The following STK33 variants were observed in gnomAD, a reference collection of about 807,000 sequenced individuals.
STK33 encodes the protein serine/threonine kinase 33.
A neutral mutation model predicts 58.0 loss-of-function variants in STK33; 52 were observed. The observed-to-expected ratio is 0.90, with a 90% CI of 0.72 to 1.13. The LOEUF is 1.13. STK33 is among the 50% of genes most tolerant of loss of function. The pLI, the probability that STK33 is intolerant of heterozygous loss-of-function variation, is 0.00. For synonymous variants in STK33, 215 were observed against 200.1 expected (o/e 1.07, Z -0.63); for missense variants, 630 against 604.2 (o/e 1.04, Z -0.45).
chr11:8,478,638 A>G (rs924196331), intron 2 of STK33, among the ~76,000 whole-genome samples: 2 of 152,200 alleles, frequency 1.3e-5, no homozygotes, highest in African/African-American at 4.8e-5. Flanking sequence ...ATAACTAGCT[A>G]TAATTTTCTT....
chr11:8,476,329 G>C (rs1949269278), intron 4 of STK33, among the ~76,000 whole-genome samples: 1 of 152,194 alleles, frequency 6.6e-6, no homozygotes, highest in Non-Finnish European at 1.5e-5. Context: ...AATATACTAA[G>C]TGTGCAGTCA....
chr11:8,420,665 G>C (rs950241589), intron 14 of STK33, among the ~76,000 whole-genome samples: 6 of 152,084 alleles, frequency 3.9e-5, no homozygotes, highest in Non-Finnish European at 4.4e-5. Flanking sequence ...CCTTGCTTTT[G>C]TTTTGTATAT....
intron 14 of STK33, among the ~76,000 whole-genome samples, chr11:8,417,894 T>C (rs1183725831): frequency 6.6e-6 from 1 of 152,108 alleles, no homozygotes; most frequent in African/African-American, 2.4e-5. Context: ...AAATGTAAAA[T>C]GCACATTCTC....
chr11:8,398,892 G>A (rs1427458280), intron 15 of STK33, among the ~76,000 whole-genome samples: 8 of 152,150 alleles, frequency 5.3e-5, no homozygotes, highest in East Asian at 1.9e-4. Flanking sequence ...AATGGTAAAG[G>A]GATCAATTCA....
chr11:8,488,018 G>A (rs1312070961), intron 1 of STK33, among the ~76,000 whole-genome samples: 1 of 152,098 alleles, frequency 6.6e-6, no homozygotes, highest in Admixed American at 6.5e-5. Flanking sequence ...CCACAATCCT[G>A]GTGCAGCTTA....
intron 1 of STK33, among the ~76,000 whole-genome samples, chr11:8,534,659 A>C (rs1027958422): frequency 1.3e-5 from 2 of 149,788 alleles, no homozygotes; most frequent in Non-Finnish European, 3.0e-5. Flanking sequence ...CATTGTTCTA[A>C]GGCATAAAAA....
chr11:8,354,497 CA>C, the STK33 span, among the ~76,000 whole-genome samples: 1 of 151,250 alleles, frequency 6.6e-6, no homozygotes, highest in Non-Finnish European at 1.5e-5. Flanking sequence ...CACACACACA[CA>C]CACACACACA....
At chr11:8,551,636 C>G (rs78873012) in intron 1 of STK33, among the ~76,000 whole-genome samples, 8,634 of 152,194 alleles carry the variant, frequency 0.057, 325 homozygotes, top group Non-Finnish European at 0.076. Flanking sequence ...ACCTTTACTT[C>G]TTCATATCGG....
At chr11:8,529,910 C>T (rs1414221862) in intron 1 of STK33, among the ~76,000 whole-genome samples, 1 of 152,132 alleles carries the variant, frequency 6.6e-6, no homozygotes, top group Non-Finnish European at 1.5e-5. Context: ...TTGTTTTAAG[C>T]CACTAAGTTT....
At chr11:8,519,967 G>C (rs1015441424) in intron 1 of STK33, among the ~76,000 whole-genome samples, 1 of 152,198 alleles carries the variant, frequency 6.6e-6, no homozygotes, top group African/African-American at 2.4e-5. Flanking sequence ...AATAGAAAAA[G>C]AGAAAATCCT....
chr11:8,385,251 C>T, the STK33 span, among the ~76,000 whole-genome samples: 1 of 152,246 alleles, frequency 6.6e-6, no homozygotes, highest in Non-Finnish European at 1.5e-5. Context: ...TTGCATAATT[C>T]ATTTACACAG....
the STK33 span, among the ~76,000 whole-genome samples, chr11:8,369,466 G>A: frequency 6.6e-6 from 1 of 151,448 alleles, no homozygotes; most frequent in Non-Finnish European, 1.5e-5. Flanking sequence ...AGAGAATGAG[G>A]AGGCTAAGGG....
chr11:8,431,596 C>T (rs1943434746), intron 14 of STK33, among the ~76,000 whole-genome samples: 1 of 152,132 alleles, frequency 6.6e-6, no homozygotes, highest in African/African-American at 2.4e-5. Context: ...CTTTGTACCC[C>T]TCTAGTACCT....
At chr11:8,383,607 A>C in the STK33 span, among the ~76,000 whole-genome samples, 1 of 152,248 alleles carries the variant, frequency 6.6e-6, no homozygotes, top group East Asian at 1.9e-4. Context: ...CTATGGAATT[A>C]TGATTTAGCT....
chr11:8,404,866 C>T (rs181070681), intron 15 of STK33, among the ~76,000 whole-genome samples: 15 of 152,274 alleles, frequency 9.9e-5, no homozygotes, highest in Non-Finnish European at 1.8e-4. Context: ...GCCAGCCAGG[C>T]GCGGTGGCTC....
At chr11:8,479,918 T>C (rs984848619) in intron 2 of STK33, among the ~76,000 whole-genome samples, 18 of 152,080 alleles carry the variant, frequency 1.2e-4, no homozygotes, top group African/African-American at 3.9e-4. Context: ...TCCTTATACA[T>C]AATAGGCACT....
chr11:8,533,506 A>G (rs919622030), intron 1 of STK33: 4 of 152,274 alleles, frequency 2.6e-5, no homozygotes, highest in Admixed American at 1.3e-4. Context: ...CCTAGAAGAA[A>G]GAGGTGAAGA....
chr11:8,461,072 C>G (rs887207305), intron 8 of STK33, among the ~76,000 whole-genome samples: 4 of 152,222 alleles, frequency 2.6e-5, no homozygotes. Context: ...GCCCATTTTA[C>G]AGATGAGGAA....
intron 15 of STK33, among the ~76,000 whole-genome samples, chr11:8,406,130 G>C (rs1385140675): frequency 1.6e-5 from 2 of 127,588 alleles, no homozygotes; most frequent in African/African-American, 2.9e-5. Context: ...GTGACAGAGC[G>C]AGACTCCGTC....
Sources: allele counts gnomAD v4.1 joint callset (sites outside exome capture counted in the v4.1 genomes callset), GRCh38; gene constraint gnomAD v4.1.1; transcripts MANE v1.5; gene names NCBI Gene and HGNC (gene_info 2026-07-23, HGNC 2026-07-21).